MOK: variants seen among roughly 807,000 people sequenced by gnomAD.
MOK encodes the protein MOK protein kinase, also known as MAPK/MAK/MRK overlapping kinase.
A neutral mutation model predicts 54.2 loss-of-function variants in MOK; 59 were observed. The ratio of observed to expected loss-of-function variants is 1.09; its 90% confidence interval spans 0.88 to 1.35. The LOEUF (loss-of-function observed/expected upper bound fraction) is 1.35, where lower values mean the gene tolerates loss of function less well. MOK is among the 40% of genes most tolerant of loss of function. The pLI is 0.00. For synonymous variants in MOK, 210 were observed against 202.7 expected (o/e 1.04, Z -0.31); for missense variants, 517 against 526.2 (o/e 0.98, Z 0.17).
At chr14:102,225,519 G>A (rs1177360025), downstream of MOK, 1 of 152,228 alleles carries the variant, frequency 6.6e-6, no homozygotes, top group Non-Finnish European at 1.5e-5. Flanking sequence ...AACTTTTGTT[G>A]GCCCCGAGAT....
At chr14:102,291,701 A>G (rs938414510) in intron 1 of MOK, among the ~76,000 whole-genome samples, 8 of 152,198 alleles carry the variant, frequency 5.3e-5, no homozygotes, top group African/African-American at 1.7e-4. Context: ...TCACACCTGT[A>G]ATCCCAGCAC....
At chr14:102,273,274 C>T (rs1306364130) in intron 2 of MOK, among the ~76,000 whole-genome samples, 1 of 129,450 alleles carries the variant, frequency 7.7e-6, no homozygotes, top group East Asian at 2.1e-4. Context: ...CCAAAACATA[C>T]TAGAACAAAA....
At chr14:102,278,362 T>TGAG (rs2069080584) in intron 2 of MOK, among the ~76,000 whole-genome samples, 3 of 151,066 alleles carry the variant, frequency 2.0e-5, no homozygotes, top group Admixed American at 2.0e-4. Flanking sequence ...CTTGAGGTTT[T>TGAG]TCATATTATA....
downstream of MOK, chr14:102,223,187 T>C (rs556301360): frequency 4.7e-5 from 8 of 168,438 alleles, no homozygotes; most frequent in East Asian, 1.3e-3. Context: ...TATATACATA[T>C]ATACATAGTG....
chr14:102,229,439 A>C lies in MOK; in HGVS notation c.1182+18T>G. 2 of 1,614,144 alleles carry C rather than the reference A, an allele frequency of 1.2e-6. No homozygotes were observed. Among genetic ancestry groups the C allele is most frequent in the Non-Finnish European group, 1.7e-6 (2 of 1,179,994 alleles). On this transcript the variant is annotated intron_variant, in intron 11 of 11. Transcript: ENST00000361847. ...GGGTCGAAGAGCAGCGCCGTCAGAG[A>C]AGCTGGTTCCGCGCTACCTTCTTGC...
chr14:102,265,636 AAAT>A (rs1567195038), intron 3 of MOK, among the ~76,000 whole-genome samples, 184 bp downstream of exon 3: 1 of 152,136 alleles, frequency 6.6e-6, no homozygotes, highest in Non-Finnish European at 1.5e-5. Flanking sequence ...CCTTCTCAAA[AAAT>A]AATAATAAAA....
At chr14:102,241,909 C>T (rs187312101) in intron 7 of MOK, among the ~76,000 whole-genome samples, 64 of 152,336 alleles carry the variant, frequency 4.2e-4, no homozygotes, top group African/African-American at 1.4e-3. Context: ...CTTCTAGCGC[C>T]GGAAATCTGG....
Position 102,231,616 on chromosome 14 carries a change from G to T in MOK, c.981+91C>A. 9.1e-7 allele frequency: 1 copy of T among 1,097,994 alleles called. No homozygotes were observed. Among genetic ancestry groups the T allele is most frequent in the Non-Finnish European group, 1.4e-6 (1 of 730,782 alleles). 68.0% of individuals were successfully genotyped at this position (1,097,994 alleles called of 1,614,324 possible). A position where few individuals can be genotyped will look rare whatever the true frequency, so the allele number is the denominator to read the frequency against. ...AATGTGGTCTGCCACAGCCTCCACA[G>T]GTGGCGTCCTCCTGAGAGAGACACA... On this transcript the variant is annotated intron_variant, in intron 10 of 11. Coordinates refer to ENST00000361847, the MANE Select transcript of MOK (RefSeq NM_014226.3). The surrounding 1 kb of genome is among the most constrained non-coding windows in gnomAD (Gnocchi z 4.4).
downstream of MOK, among the ~76,000 whole-genome samples, chr14:102,222,621 T>C (rs1362833461): frequency 1.3e-5 from 2 of 152,118 alleles, no homozygotes; most frequent in African/African-American, 4.8e-5. This position sits in a 1 kb window ranked among gnomAD's most constrained non-coding sequence, Gnocchi z 4.4. Flanking sequence ...GGCCACAGTA[T>C]TGCACCCAGC....
chr14:102,232,450 G>A lies in MOK; in HGVS notation c.866+85C>T, dbSNP rs1165866088. 26 of 1,474,530 alleles carry A rather than the reference G, an allele frequency of 1.8e-5. No homozygotes were observed. The highest frequency in any genetic ancestry group is 1.9e-5 in the Admixed American group (1 of 51,382). The allele number at this position is 1,474,530 out of a possible 1,614,324, so 91.3% of individuals were successfully genotyped here. ...TCCCAAGAACCAGGGACCCTCCAGG[G>A]GGCAGTACCTTGCCCCACCATGTGC... On this transcript the variant is annotated intron_variant, in intron 9 of 11. Transcript: ENST00000361847. The surrounding 1 kb of genome is among the most constrained non-coding windows in gnomAD (Gnocchi z 5.1).
chr14:102,268,686 C>A (rs1029018160), intron 2 of MOK, among the ~76,000 whole-genome samples: 3 of 152,106 alleles, frequency 2.0e-5, no homozygotes, highest in East Asian at 3.9e-4. Context: ...GAGGCCGAGG[C>A]GGGTGGATCA....
chr14:102,296,025 C>T (rs1300466152), intron 1 of MOK, among the ~76,000 whole-genome samples: 1 of 152,098 alleles, frequency 6.6e-6, no homozygotes, highest in African/African-American at 2.4e-5. Flanking sequence ...ACGGGTCGAT[C>T]ACCTGAGGTC....
chr14:102,226,495 T>A, downstream of MOK: 1 of 699,662 alleles, frequency 1.4e-6, no homozygotes, highest in Non-Finnish European at 2.6e-6. This position sits in a 1 kb window ranked among gnomAD's most constrained non-coding sequence, Gnocchi z 4.8. Context: ...CTTTCCAGTT[T>A]GGGGTGGCAG....
chr14:102,292,173 T>C (rs1042188612), intron 1 of MOK, among the ~76,000 whole-genome samples: 1 of 151,930 alleles, frequency 6.6e-6, no homozygotes, highest in African/African-American at 2.4e-5. Context: ...ATATCAATGG[T>C]CAAATTATGG....
At chr14:102,217,657 T>C in the MOK span, among the ~76,000 whole-genome samples, 1 of 152,256 alleles carries the variant, frequency 6.6e-6, no homozygotes, top group African/African-American at 2.4e-5. Flanking sequence ...TTGTGTGATG[T>C]AGAGACTGGC....
chr14:102,279,389 C>G (rs995642889), intron 2 of MOK, among the ~76,000 whole-genome samples: 2 of 152,064 alleles, frequency 1.3e-5, no homozygotes, highest in African/African-American at 4.8e-5. Flanking sequence ...CAACCGCAAC[C>G]TCCAGGACTC....
In MOK at chr14:102,232,590, C is replaced by A. The variant is rs1197414796; in HGVS notation, c.811G>T (p.Asp271Tyr). The change falls in exon 9 of 12, where the codon GAT becomes TAT. Residue 271 changes from aspartate to tyrosine, a missense_variant. Coordinates refer to ENST00000361847, the MANE Select transcript of MOK (RefSeq NM_014226.3). The surrounding 1 kb of genome is among the most constrained non-coding windows in gnomAD (Gnocchi z 5.1). ...LLHAMVAYDP[D>Y]ERIAAHQALQ... ...GCCTGGTGGGCGGCGATTCTCTCAT[C>A]GGGATCATAGGCCACCATTGCGTGC... 1 of 1,613,794 alleles carries A rather than the reference C, an allele frequency of 6.2e-7. No homozygotes were observed. The highest frequency in any genetic ancestry group is 1.7e-5 in the Admixed American group (1 of 59,994).
Position 102,231,528 on chromosome 14 carries a change from G to T in MOK, c.981+179C>A, listed in dbSNP as rs1033243269. 29 of 577,736 alleles carry T rather than the reference G, an allele frequency of 5.0e-5. No homozygotes were observed. Among genetic ancestry groups the T allele is most frequent in the Non-Finnish European group, 8.4e-5 (27 of 320,750 alleles). The allele number at this position is 577,736 out of a possible 1,614,324, so 35.8% of individuals were successfully genotyped here. A position where few individuals can be genotyped will look rare whatever the true frequency, so the allele number is the denominator to read the frequency against. ...AGAAAGGGCTTGAGCAAATAGAACT[G>T]GGGTCCCTGATGTCCCAACACATGG... On this transcript the variant is annotated intron_variant, in intron 10 of 11. Transcript: ENST00000361847. The surrounding 1 kb of genome is among the most constrained non-coding windows in gnomAD (Gnocchi z 4.4).
At chr14:102,214,896 TTGTCAC>T in the MOK span, 2 of 985,024 alleles carry the variant, frequency 2.0e-6, no homozygotes, top group South Asian at 4.7e-5. Flanking sequence ...AGCTGTTGCC[TTGTCAC>T]TGTCACAGCT....
Sources: gnomAD v4.1 joint callset for allele counts (sites outside exome capture counted in the v4.1 genomes callset) on GRCh38, gnomAD v4.1.1 for gene constraint, Gnocchi (gnomAD v3.1) non-coding constraint, MANE v1.5 for transcripts, NCBI Gene and HGNC (gene_info 2026-07-23, HGNC 2026-07-21) for gene names.